MDGA2: variants seen among roughly 807,000 people sequenced by gnomAD.
The protein encoded by MDGA2 is MAM domain-containing glycosylphosphatidylinositol anchor protein 2.
In MDGA2, 40 loss-of-function variants were observed where a neutral mutation model predicts 117.8. The ratio of observed to expected loss-of-function variants is 0.34; its 90% CI spans 0.26 to 0.44. MDGA2 has a LOEUF of 0.44. Among genes scored for constraint, MDGA2 ranks in the 20% least tolerant of loss-of-function variants. MDGA2 has a pLI of 1.00. For synonymous variants in MDGA2, 452 were observed against 439.0 expected (o/e 1.03, Z -0.37); for missense variants, 1,123 against 1,250.6 (o/e 0.90, Z 1.54).
chr14:46,993,732 A>G (rs1241453828), intron 8 of MDGA2, among the ~76,000 whole-genome samples: 1 of 152,144 alleles, frequency 6.6e-6, no homozygotes, highest in Non-Finnish European at 1.5e-5. Context: ...GAGTGTTCGG[A>G]TTACAGGCGT....
intron 5 of MDGA2, among the ~76,000 whole-genome samples, chr14:47,103,167 T>C (rs915877730): frequency 6.6e-6 from 1 of 152,216 alleles, no homozygotes; most frequent in Non-Finnish European, 1.5e-5. Context: ...CACATACATA[T>C]GCTAAACAAA....
At chr14:47,270,529 A>G (rs1888110095) in intron 2 of MDGA2, among the ~76,000 whole-genome samples, 1 of 152,240 alleles carries the variant, frequency 6.6e-6, no homozygotes, top group Non-Finnish European at 1.5e-5. Context: ...ATTAATGTTA[A>G]TGGGGAAAAG....
chr14:47,165,163 A>T (rs1447292544), intron 3 of MDGA2, among the ~76,000 whole-genome samples: 2 of 152,140 alleles, frequency 1.3e-5, no homozygotes. Flanking sequence ...TGACAAGTTA[A>T]TGGGTGCAGC....
chr14:47,212,614 TTG>T lies in MDGA2; in HGVS notation c.595+5405_595+5406del, dbSNP rs1313392907. ...TATAGACTTATTTTTCATTTTCACA[TTG>T]TCTTACTGATTTCTTCTTACAGAAA... On this transcript the variant is annotated intron_variant, in intron 3 of 16. Coordinates refer to ENST00000399232, the MANE Select transcript of MDGA2 (RefSeq NM_001113498.3). 9.9e-5 allele frequency among the ~76,000 whole-genome samples: 15 copies of T among 152,268 alleles called. No homozygotes were observed. The East Asian group carries it at 2.7e-3, about 27-fold the overall frequency.
At chr14:47,597,885 A>ACACAC (rs1566533977) in intron 1 of MDGA2, among the ~76,000 whole-genome samples, 2 of 136,308 alleles carry the variant, frequency 1.5e-5, no homozygotes, top group African/African-American at 5.3e-5. Context: ...CACACACACA[A>ACACAC]AACACAGAGT....
At chr14:46,883,864 T>C (rs1882562185) in intron 10 of MDGA2, among the ~76,000 whole-genome samples, 1 of 152,112 alleles carries the variant, frequency 6.6e-6, no homozygotes, top group Non-Finnish European at 1.5e-5. Context: ...CAGATATATA[T>C]ATATGACAAA....
chr14:46,981,689 A>G (rs987336011), intron 8 of MDGA2, among the ~76,000 whole-genome samples: 1 of 152,216 alleles, frequency 6.6e-6, no homozygotes, highest in Non-Finnish European at 1.5e-5. Flanking sequence ...TGTAAGATGA[A>G]GTGATCCAGG....
chr14:47,240,439 A>ACT (rs1887003405), intron 2 of MDGA2, among the ~76,000 whole-genome samples: 1 of 151,916 alleles, frequency 6.6e-6, no homozygotes, highest in Non-Finnish European at 1.5e-5. Flanking sequence ...ATTCAATAAA[A>ACT]CAGCAATCAT....
At chr14:47,101,644 A>G (rs955610306) in intron 5 of MDGA2, among the ~76,000 whole-genome samples, 1 of 152,202 alleles carries the variant, frequency 6.6e-6, no homozygotes, top group Admixed American at 6.5e-5. Context: ...GCTAGCACTG[A>G]AAAGTGCCAA....
chr14:47,596,131 C>A (rs1249984643), intron 1 of MDGA2, among the ~76,000 whole-genome samples: 1 of 152,148 alleles, frequency 6.6e-6, no homozygotes, highest in African/African-American at 2.4e-5. Flanking sequence ...GGTAGTTACA[C>A]AGATGTACAC....
intron 1 of MDGA2, among the ~76,000 whole-genome samples, chr14:47,658,482 G>A (rs561020037): frequency 3.9e-5 from 6 of 152,086 alleles, no homozygotes; most frequent in Admixed American, 2.6e-4. Context: ...TATCAGACAC[G>A]GTTCTGAGAC....
At chr14:47,118,945 C>T (rs1881478212) in intron 5 of MDGA2, among the ~76,000 whole-genome samples, 1 of 152,040 alleles carries the variant, frequency 6.6e-6, no homozygotes, top group Admixed American at 6.6e-5. Context: ...ACTATATTGC[C>T]CAGGCTGGTC....
At chr14:46,957,301 A>C (rs2138254314) in intron 9 of MDGA2, 73 bp downstream of exon 9, 1 of 1,408,272 alleles carries the variant, frequency 7.1e-7, no homozygotes, top group East Asian at 2.3e-5. Flanking sequence ...TTTCATTCTT[A>C]TATTGACATA....
At chr14:46,898,726 C>G (rs1883175020) in intron 10 of MDGA2, among the ~76,000 whole-genome samples, 1 of 152,018 alleles carries the variant, frequency 6.6e-6, no homozygotes, top group Non-Finnish European at 1.5e-5. Context: ...GATTTATTTA[C>G]TTCAGAACAA....
At chr14:47,247,602 C>T (rs895993439) in intron 2 of MDGA2, among the ~76,000 whole-genome samples, 1 of 150,022 alleles carries the variant, frequency 6.7e-6, no homozygotes, top group Non-Finnish European at 1.5e-5. Flanking sequence ...CGTGTCCAGA[C>T]TAGTTTCAGA....
In MDGA2 at chr14:47,369,655, C is replaced by T. The variant is rs545785421; in HGVS notation, c.281-68105G>A. On this transcript the variant is annotated intron_variant, in intron 1 of 16. Coordinates refer to ENST00000399232, the MANE Select transcript of MDGA2 (RefSeq NM_001113498.3). ...TGATGCTCACTAGCATTTTATTTTG[C>T]ATTTCATTTAATTATAAATAAAATA... 1.1e-3 allele frequency among the ~76,000 whole-genome samples: 171 copies of T among 152,140 alleles called. 1 individual carries two copies. Among genetic ancestry groups the T allele is most frequent in the African/African-American group, 4.0e-3 (167 of 41,526 alleles).
At chr14:46,878,424 C>A (rs924695429) in intron 11 of MDGA2, among the ~76,000 whole-genome samples, 8 of 152,088 alleles carry the variant, frequency 5.3e-5, no homozygotes, top group African/African-American at 1.4e-4. Context: ...CAGTGCAGAA[C>A]TTATCTGATT....
rs191363618 is a variant in MDGA2 at position 46,938,432 on chromosome 14, G to A, written c.2090-18272C>T. 4.7e-3 allele frequency among the ~76,000 whole-genome samples: 700 copies of A among 150,078 alleles called. 3 individuals carry two copies. The highest frequency in any genetic ancestry group is 8.5e-3 in the African/African-American group (350 of 40,958). On this transcript the variant is annotated intron_variant, in intron 9 of 16. Coordinates refer to ENST00000399232, the MANE Select transcript of MDGA2 (RefSeq NM_001113498.3). ...CGGGAGCCTATAATCCCAGCTACTC[G>A]GGAGGGCTGAGGCAGAAGAATCGCC...
chr14:47,506,662 C>T (rs1894519026), intron 1 of MDGA2, among the ~76,000 whole-genome samples: 1 of 152,140 alleles, frequency 6.6e-6, no homozygotes, highest in South Asian at 2.1e-4. Flanking sequence ...AAGACAAGTC[C>T]TAATTGAGAT....
Sources: allele counts gnomAD v4.1 joint callset (sites outside exome capture counted in the v4.1 genomes callset), GRCh38; gene constraint gnomAD v4.1.1; transcripts MANE v1.5; gene names NCBI Gene and HGNC (gene_info 2026-07-23, HGNC 2026-07-21).